Variants in BOLL observed in about 807,000 individuals in gnomAD.
The protein encoded by BOLL is boule RNA binding protein.
Under a neutral mutation model 44.4 loss-of-function variants are expected in BOLL, and 23 were observed. That is an observed-to-expected ratio of 0.52 (90% CI 0.37 to 0.73). The LOEUF (loss-of-function observed/expected upper bound fraction) is 0.73, where lower values mean the gene tolerates loss of function less well. Ranked by LOEUF, BOLL falls within the 30% of genes least tolerant of loss-of-function variation. The probability of loss-of-function intolerance (pLI) is 0.00; values close to 1 mark genes in which losing one functional copy is unlikely to be tolerated. For missense variants in BOLL, 287 were observed against 338.3 expected (o/e 0.85, Z 1.19); for synonymous variants, 97 against 110.8 (o/e 0.88, Z 0.78).
intron 5 of BOLL, among the ~76,000 whole-genome samples, chr2:197,775,256 T>C (rs1470169663): frequency 6.6e-6 from 1 of 151,738 alleles, no homozygotes; most frequent in South Asian, 2.1e-4. Context: ...ATGCAGCGAG[T>C]TTCTGATATT....
chr2:197,751,263 C>T (rs905887584), intron 9 of BOLL, among the ~76,000 whole-genome samples: 1 of 151,992 alleles, frequency 6.6e-6, no homozygotes, highest in Non-Finnish European at 1.5e-5. Flanking sequence ...CAAACAAATT[C>T]AAAAGCTAGC....
chr2:197,756,451 G>C lies in BOLL; in HGVS notation c.706C>G (p.Leu236Val). 3 of 1,610,944 alleles carry C rather than the reference G, an allele frequency of 1.9e-6. No homozygotes were observed. Among genetic ancestry groups the C allele is most frequent in the Non-Finnish European group, 2.5e-6 (3 of 1,178,096 alleles). Residue 236 changes from leucine (L) to valine (V), a missense_variant, in exon 9 of 11, where the codon CTG becomes GTG. Transcript: ENST00000392296. Reference protein sequence around the residue: ...DGGCVPPPLSLMETSVPEPYS... With the variant: ...DGGCVPPPLSVMETSVPEPYS... ...ACCTCTGGAACTGAAGTTTCCATCAGAGACAGTGGAGGAGGAACACATCCA... is the reference window on the plus strand; with the variant it reads ...ACCTCTGGAACTGAAGTTTCCATCACAGACAGTGGAGGAGGAACACATCCA...
rs182728901 is a variant in BOLL at position 197,759,915 on chromosome 2, A to G, written c.553-2515T>C. On this transcript the variant is annotated intron_variant, in intron 7 of 10. Transcript: ENST00000392296. ...TGACCTACCCTGTGCATGCAATTAG[A>G]GCCCAAGAAACAGCTCCGGGGACTG... is the stretch of plus-strand genomic sequence containing the variant. 4.2e-3 allele frequency among the ~76,000 whole-genome samples: 633 copies of G among 152,212 alleles called. 18 individuals are homozygous for G. The highest frequency in any genetic ancestry group is 0.037 in the Admixed American group (563 of 15,294).
In BOLL at chr2:197,728,389, C is replaced by T; in HGVS notation, c.*166G>A. 1 of 1,138,858 alleles carries T rather than the reference C, an allele frequency of 8.8e-7. No individual in the cohort carries two copies. The highest frequency in any genetic ancestry group is 1.2e-6 in the Non-Finnish European group (1 of 812,614). The allele number at this position is 1,138,858 out of a possible 1,614,324, so 70.5% of individuals were successfully genotyped here. On this transcript the variant is annotated 3_prime_UTR_variant, in exon 11 of 11. Coordinates refer to ENST00000392296, the MANE Select transcript of BOLL (RefSeq NM_033030.6). The stretch of plus-strand genomic sequence containing the variant: ...GAACAGCTGAAAAAGCAAATTTCAT[C>T]AAATTTAGACAGCTTATAGTGGAAT...
chr2:197,756,340 G>T, intron 9 of BOLL, 88 bp downstream of exon 9: 1 of 1,217,072 alleles, frequency 8.2e-7, no homozygotes, highest in Non-Finnish European at 1.1e-6. Context: ...GTTTCAATGA[G>T]GGTCGTGAAC....
At chr2:197,745,102 C>T (rs563662668) in intron 9 of BOLL, among the ~76,000 whole-genome samples, 1 of 152,308 alleles carries the variant, frequency 6.6e-6, no homozygotes, top group Non-Finnish European at 1.5e-5. Context: ...TTGGTTCTTA[C>T]TCTGCAAAAG....
chr2:197,784,391 C>CATATAT (rs60865376), intron 1 of BOLL, among the ~76,000 whole-genome samples: 1 of 54,998 alleles, frequency 1.8e-5, no homozygotes, highest in African/African-American at 8.5e-5. Context: ...CAGTCTAATA[C>CATATAT]ATATATATAT....
chr2:197,773,190 T>C (rs1689343084), intron 5 of BOLL, among the ~76,000 whole-genome samples: 1 of 151,772 alleles, frequency 6.6e-6, no homozygotes, highest in Non-Finnish European at 1.5e-5. Context: ...TACACACAAT[T>C]TTGGAGGTCC....
chr2:197,756,579 T>G, intron 8 of BOLL, 23 bp from the exon 9 acceptor site: 1 of 1,565,152 alleles, frequency 6.4e-7, no homozygotes, highest in Non-Finnish European at 8.7e-7. Context: ...ACCATATTTC[T>G]AATTCAAATA....
At chr2:197,753,305 A>G (rs1314901520) in intron 9 of BOLL, among the ~76,000 whole-genome samples, 1 of 152,246 alleles carries the variant, frequency 6.6e-6, no homozygotes, top group Non-Finnish European at 1.5e-5. Context: ...TAATTAGACT[A>G]AAGAGCTTCT....
intron 8 of BOLL, among the ~76,000 whole-genome samples, chr2:197,756,872 T>C (rs1461623112): frequency 6.6e-6 from 1 of 152,174 alleles, no homozygotes; most frequent in African/African-American, 2.4e-5. Context: ...TGATCTATGG[T>C]ATTTAAATTG....
chr2:197,750,598 T>C (rs1307437600), intron 9 of BOLL, among the ~76,000 whole-genome samples: 4 of 152,176 alleles, frequency 2.6e-5, no homozygotes, highest in Non-Finnish European at 5.9e-5. Flanking sequence ...AAGAGCTAAC[T>C]ATCCTAAATA....
rs376552152 is a variant in BOLL at position 197,778,575 on chromosome 2, AC to A, written c.221+399del. Among the ~76,000 whole-genome samples, 995 of 151,850 alleles carry A rather than the reference AC, an allele frequency of 6.6e-3. 9 individuals carry two copies. The highest frequency in any genetic ancestry group is 0.017 in the South Asian group (80 of 4,806). ...CCCCTAATTAGGTCTCTGAGGCACA[AC>A]CTACAGACATTTCTTGGTGTCAGCT... is the stretch of plus-strand genomic sequence containing the variant. On this transcript the variant is annotated intron_variant, in intron 3 of 10. Transcript: ENST00000392296.
At chr2:197,775,582 TAATA>T in intron 5 of BOLL, 79 bp downstream of exon 5, 1 of 920,150 alleles carries the variant, frequency 1.1e-6, no homozygotes, top group Non-Finnish European at 1.6e-6. Flanking sequence ...CATGATCTTT[TAATA>T]AAGTTCTATA....
rs771026003 is a variant in BOLL, at chr2:197,766,530, A to T, written c.552+2T>A. 1 of 1,601,178 alleles carries T rather than the reference A, an allele frequency of 6.2e-7. No individual in the cohort carries two copies. The highest frequency in any genetic ancestry group is 8.6e-7 in the Non-Finnish European group (1 of 1,168,874). Reference sequence around the variant, plus strand: ...AGAATTTTAATTGTAATTTATGTTTACCTGGTAGTGATATGCAGGTTGCTG... The same window carrying T: ...AGAATTTTAATTGTAATTTATGTTTTCCTGGTAGTGATATGCAGGTTGCTG... On this transcript the variant is annotated splice_donor_variant, in intron 7 of 10. Transcript: ENST00000392296. LOFTEE classifies it high-confidence loss of function.
chr2:197,776,929 G>T, intron 4 of BOLL, 130 bp downstream of exon 4: 1 of 622,146 alleles, frequency 1.6e-6, no homozygotes, highest in South Asian at 2.9e-5. Flanking sequence ...AAGTTTCCTA[G>T]AGACCAATGC....
rs777908535 is a variant in BOLL at position 197,785,153 on chromosome 2, G to C, written c.-113C>G. ...GGCGACAACTTCCTCGAGTTCTCTC[G>C]GGTCATCGTGAACTTGGGCACCGAA... is the stretch of plus-strand genomic sequence containing the variant. On this transcript the variant is annotated 5_prime_UTR_variant, in exon 1 of 11. Transcript: ENST00000392296. This position sits in a 1 kb window ranked among gnomAD's most constrained non-coding sequence, Gnocchi z 6.7. 1.8e-4 allele frequency: 181 copies of C among 985,852 alleles called. No homozygotes were observed. Among genetic ancestry groups the C allele is most frequent in the Non-Finnish European group, 2.1e-4 (178 of 829,936 alleles). The allele number at this position is 985,852 out of a possible 1,614,324, so 61.1% of individuals were successfully genotyped here. A position where few individuals can be genotyped will look rare whatever the true frequency, so the allele number is the denominator to read the frequency against.
chr2:197,781,027 T>G (rs1362790969), intron 2 of BOLL, among the ~76,000 whole-genome samples: 3 of 152,096 alleles, frequency 2.0e-5, no homozygotes, highest in Non-Finnish European at 4.4e-5. Context: ...TATATTAGTT[T>G]TTAAAAAACT....
At chr2:197,786,090 T>TGA, upstream of BOLL, 1 of 1,525,308 alleles carries the variant, frequency 6.6e-7, no homozygotes, top group Non-Finnish European at 8.8e-7. This position sits in a 1 kb window ranked among gnomAD's most constrained non-coding sequence, Gnocchi z 5.9. Flanking sequence ...CAGCGCTGCT[T>TGA]GTCCTGCCTG....
Sources: gnomAD v4.1 joint callset for allele counts (sites outside exome capture counted in the v4.1 genomes callset) on GRCh38, gnomAD v4.1.1 for gene constraint, Gnocchi (gnomAD v3.1) non-coding constraint, MANE v1.5 for transcripts, NCBI Gene and HGNC (gene_info 2026-07-23, HGNC 2026-07-21) for gene names.